PHF2: variants seen among roughly 807,000 people sequenced by gnomAD.
The protein encoded by PHF2 is lysine-specific demethylase PHF2.
In PHF2, 27 loss-of-function variants were observed where a neutral mutation model predicts 120.5. That is an observed-to-expected ratio of 0.22 (90% CI 0.17 to 0.31). The LOEUF (loss-of-function observed/expected upper bound fraction) is 0.31. Ranked by LOEUF, PHF2 falls within the 10% of genes least tolerant of loss-of-function variation. The pLI is 1.00. For missense variants in PHF2, 1,024 were observed against 1,434.8 expected (o/e 0.71, Z 4.63); for synonymous variants, 568 against 592.5 (o/e 0.96, Z 0.60).
chr9:93,592,270 G>T (rs1324742602), intron 1 of PHF2, among the ~76,000 whole-genome samples: 1 of 152,150 alleles, frequency 6.6e-6, no homozygotes, highest in Non-Finnish European at 1.5e-5. Flanking sequence ...TGCCTCTGCA[G>T]GGGCTGCTGG....
chr9:93,578,494 C>G (rs1862875545), intron 1 of PHF2, among the ~76,000 whole-genome samples: 1 of 152,234 alleles, frequency 6.6e-6, no homozygotes, highest in Non-Finnish European at 1.5e-5. Context: ...GCCTTCTCCC[C>G]CATCTCCACC....
rs1219132118 is a variant in PHF2, at chr9:93,660,564, G to A, written c.1698+4G>A. On this transcript the variant is annotated splice_donor_region_variant and intron_variant, in intron 12 of 21. Transcript: ENST00000359246. Reference sequence around the variant, plus strand: ...GGAGCCGCCCAAGAAGGGCAAGGTGGGACCCCCTCACCCTGACTCCCCACC... The same window carrying A: ...GGAGCCGCCCAAGAAGGGCAAGGTGAGACCCCCTCACCCTGACTCCCCACC... The A allele has an allele frequency of 2.6e-6, 4 of 1,550,622 alleles. No individual in the cohort carries two copies. Among genetic ancestry groups the A allele is most frequent in the Non-Finnish European group, 3.5e-6 (4 of 1,153,558 alleles).
At chr9:93,646,901 G>A (rs1396007496) in intron 4 of PHF2, among the ~76,000 whole-genome samples, 2 of 152,184 alleles carry the variant, frequency 1.3e-5, no homozygotes, top group Non-Finnish European at 2.9e-5. Flanking sequence ...CCATGCACAG[G>A]GGCTGATTCT....
intron 2 of PHF2, among the ~76,000 whole-genome samples, chr9:93,635,221 C>G (rs556035375): frequency 1.1e-4 from 17 of 152,282 alleles, no homozygotes; most frequent in African/African-American, 3.8e-4. Context: ...GTCCCAGCCC[C>G]ACCCAGCCCT....
intron 1 of PHF2, among the ~76,000 whole-genome samples, chr9:93,590,784 A>G (rs2150751): frequency 0.82 from 124,389 of 152,188 alleles, 50,941 homozygotes; most frequent in East Asian, 0.88. Context: ...GGACCACCCC[A>G]GAGGCCATGG....
chr9:93,659,654 C>T (rs1273397264), intron 11 of PHF2, 54 bp downstream of exon 11: 3 of 1,525,460 alleles, frequency 2.0e-6, no homozygotes, highest in African/African-American at 1.4e-5. Flanking sequence ...GGAGGGCCCA[C>T]CTGTCTTTCT....
intron 3 of PHF2, among the ~76,000 whole-genome samples, chr9:93,644,257 A>G (rs971607544): frequency 6.6e-6 from 1 of 152,100 alleles, no homozygotes; most frequent in African/African-American, 2.4e-5. Flanking sequence ...ATGGTGGCAC[A>G]TGCCTGTAAT....
chr9:93,615,981 C>T (rs1197333637), intron 1 of PHF2, among the ~76,000 whole-genome samples: 2 of 152,208 alleles, frequency 1.3e-5, no homozygotes, highest in Non-Finnish European at 1.5e-5. Flanking sequence ...AATACATGCT[C>T]ATTTTCTGTG....
chr9:93,604,525 C>T lies in PHF2; in HGVS notation c.99-25445C>T, dbSNP rs1198740747. ...TGTCGCCCAGGCTGGAGTGCAGTGGCGCGATCTCGGCTCACTGCAAGCTCC... is the reference window on the plus strand; with the variant it reads ...TGTCGCCCAGGCTGGAGTGCAGTGGTGCGATCTCGGCTCACTGCAAGCTCC... On this transcript the variant is annotated intron_variant, in intron 1 of 21. Transcript: ENST00000359246. Among the ~76,000 whole-genome samples the T allele has an allele frequency of 1.2e-4, 18 of 150,388 alleles. 1 individual carries two copies. Among genetic ancestry groups the T allele is most frequent in the East Asian group, 2.0e-4 (1 of 5,092 alleles).
At chr9:93,630,868 G>A (rs1408215757) in intron 2 of PHF2, among the ~76,000 whole-genome samples, 6 of 152,166 alleles carry the variant, frequency 3.9e-5, no homozygotes, top group African/African-American at 7.2e-5. Context: ...AGGGTCTTGG[G>A]TGCTCACAGA....
intron 14 of PHF2, 69 bp downstream of exon 14, chr9:93,663,704 C>A: frequency 1.2e-6 from 1 of 832,798 alleles, no homozygotes; most frequent in Admixed American, 1.9e-5. Context: ...ATACATACTG[C>A]ATCACACCCA....
intron 3 of PHF2, among the ~76,000 whole-genome samples, chr9:93,644,518 C>T (rs1826221958): frequency 2.0e-5 from 3 of 152,212 alleles, no homozygotes; most frequent in Admixed American, 2.0e-4. Context: ...ACACCTGCCA[C>T]TGTCTGTCCG....
intron 1 of PHF2, among the ~76,000 whole-genome samples, chr9:93,593,709 A>G (rs928047708): frequency 3.3e-5 from 5 of 152,238 alleles, no homozygotes; most frequent in Non-Finnish European, 7.3e-5. Context: ...TGTAAATCGG[A>G]AATTATGCAG....
chr9:93,669,499 T>G (rs926697503), intron 17 of PHF2, among the ~76,000 whole-genome samples: 1 of 152,206 alleles, frequency 6.6e-6, no homozygotes, highest in African/African-American at 2.4e-5. Flanking sequence ...TGACCATGCT[T>G]GATTTTCCCA....
intron 1 of PHF2, among the ~76,000 whole-genome samples, chr9:93,593,105 A>AAAAAAAAAAAAAGG (rs1554790887): frequency 8.1e-6 from 1 of 122,716 alleles, no homozygotes; most frequent in Non-Finnish European, 1.6e-5. Context: ...AAAAAAAAAA[A>AAAAAAAAAAAAAGG]AAAAAAGAAA....
intron 5 of PHF2, among the ~76,000 whole-genome samples, chr9:93,652,835 G>T (rs1826391653): frequency 6.6e-6 from 1 of 152,204 alleles, no homozygotes; most frequent in African/African-American, 2.4e-5. Flanking sequence ...CTTCAGCCCA[G>T]TGTGCCACAG....
intron 7 of PHF2, among the ~76,000 whole-genome samples, chr9:93,654,910 C>T (rs984739994): frequency 4.3e-4 from 65 of 152,268 alleles, no homozygotes; most frequent in Admixed American, 4.0e-3. Context: ...TCACTATGAC[C>T]GAGCCCATGG....
At chr9:93,671,829 C>G (rs1826799962) in intron 17 of PHF2, among the ~76,000 whole-genome samples, 1 of 138,226 alleles carries the variant, frequency 7.2e-6, no homozygotes, top group Non-Finnish European at 1.6e-5. Context: ...GGTGTAGATG[C>G]AGATGTGGGT....
chr9:93,661,905 A>G (rs890532143), intron 12 of PHF2, among the ~76,000 whole-genome samples: 1 of 150,998 alleles, frequency 6.6e-6, no homozygotes, highest in Non-Finnish European at 1.5e-5. Context: ...GGATGGGTAG[A>G]TGGATAGATG....
Sources: gnomAD v4.1 joint callset for allele counts (sites outside exome capture counted in the v4.1 genomes callset) on GRCh38, gnomAD v4.1.1 for gene constraint, MANE v1.5 for transcripts, NCBI Gene and HGNC (gene_info 2026-07-23, HGNC 2026-07-21) for gene names.